PTPRD: variants seen among roughly 807,000 people sequenced by gnomAD.
The protein encoded by PTPRD is receptor-type tyrosine-protein phosphatase delta.
In PTPRD, 34 loss-of-function variants were observed where a neutral mutation model predicts 214.5. The observed-to-expected ratio is 0.16, with a 90% CI of 0.12 to 0.21. The LOEUF (loss-of-function observed/expected upper bound fraction) is 0.21, where lower values mean the gene tolerates loss of function less well. Among genes scored for constraint, PTPRD ranks in the 10% least tolerant of loss-of-function variants. PTPRD has a pLI of 1.00. For synonymous variants in PTPRD, 1,128 were observed against 845.7 expected, an observed-to-expected ratio of 1.33 and a Z score of -5.79; for missense variants, 2,545 against 2,398.7, an observed-to-expected ratio of 1.06 and a Z score of -1.27.
chr9:8,704,788 G>T (rs927214072), intron 12 of PTPRD, among the ~76,000 whole-genome samples: 1 of 151,724 alleles, frequency 6.6e-6, no homozygotes, highest in East Asian at 1.9e-4. Context: ...GGGTGTGGTG[G>T]TGTGTGCACC....
intron 10 of PTPRD, among the ~76,000 whole-genome samples, chr9:9,166,065 T>A (rs1472630318): frequency 6.6e-6 from 1 of 152,052 alleles, no homozygotes; most frequent in African/African-American, 2.4e-5. Context: ...GTGGTGACTT[T>A]AACTCACAAA....
intron 9 of PTPRD, among the ~76,000 whole-genome samples, chr9:9,270,027 A>G (rs1003110709): frequency 6.0e-5 from 9 of 150,642 alleles, no homozygotes; most frequent in Non-Finnish European, 1.0e-4. Flanking sequence ...TTACTATAAC[A>G]TGTTAATAAT....
intron 21 of PTPRD, among the ~76,000 whole-genome samples, chr9:8,511,801 A>G (rs1011166882): frequency 1.3e-5 from 2 of 152,196 alleles, no homozygotes; most frequent in Non-Finnish European, 2.9e-5. Context: ...ACAAGGAAAT[A>G]GAAATGTGAG....
At chr9:10,421,827 T>A (rs964328295) in intron 2 of PTPRD, among the ~76,000 whole-genome samples, 2 of 151,650 alleles carry the variant, frequency 1.3e-5, no homozygotes, top group East Asian at 1.9e-4. Context: ...TCTATTTTTA[T>A]ATTTTTTTCT....
intron 5 of PTPRD, among the ~76,000 whole-genome samples, chr9:9,929,004 C>A (rs2085374250): frequency 6.6e-6 from 1 of 152,094 alleles, no homozygotes; most frequent in Non-Finnish European, 1.5e-5. Flanking sequence ...ATTTAAGTCT[C>A]AGAGGTTCGA....
At chr9:10,309,289 AT>A in intron 3 of PTPRD, among the ~76,000 whole-genome samples, 1 of 151,904 alleles carries the variant, frequency 6.6e-6, no homozygotes, top group African/African-American at 2.4e-5. Context: ...TGGCTTATTA[AT>A]TTCATAAATA....
intron 2 of PTPRD, among the ~76,000 whole-genome samples, chr9:10,592,716 G>T (rs2075756874): frequency 6.6e-6 from 1 of 151,986 alleles, no homozygotes; most frequent in African/African-American, 2.4e-5. Flanking sequence ...GCACCAATCA[G>T]CGCTTTGTAG....
At chr9:9,305,125 C>G (rs1414357715) in intron 9 of PTPRD, among the ~76,000 whole-genome samples, 1 of 151,580 alleles carries the variant, frequency 6.6e-6, no homozygotes, top group African/African-American at 2.4e-5. Context: ...TTTACCTCCT[C>G]TTTCTGCACA....
chr9:10,204,071 G>T, intron 3 of PTPRD, among the ~76,000 whole-genome samples: 1 of 152,068 alleles, frequency 6.6e-6, no homozygotes, highest in Non-Finnish European at 1.5e-5. Flanking sequence ...CTACCAGCTT[G>T]TGCCATTGCT....
intron 11 of PTPRD, among the ~76,000 whole-genome samples, chr9:8,854,950 T>A (rs2097887539): frequency 6.6e-6 from 1 of 152,204 alleles, no homozygotes; most frequent in Admixed American, 6.5e-5. Flanking sequence ...ACATATGAAT[T>A]TGCACCAATA....
intron 14 of PTPRD, among the ~76,000 whole-genome samples, chr9:8,585,907 T>C (rs2093616807): frequency 1.3e-5 from 2 of 152,322 alleles, no homozygotes; most frequent in South Asian, 4.1e-4. Flanking sequence ...ACTTGTCCTC[T>C]CTCTGCCATG....
intron 3 of PTPRD, among the ~76,000 whole-genome samples, chr9:10,169,557 T>C (rs1016023420): frequency 1.4e-5 from 2 of 144,508 alleles, no homozygotes; most frequent in Non-Finnish European, 1.5e-5. Context: ...CTTCCACAAA[T>C]AACAATTCTA....
chr9:9,057,367 A>T (rs1475250947), intron 10 of PTPRD, among the ~76,000 whole-genome samples: 23 of 152,164 alleles, frequency 1.5e-4, no homozygotes, highest in Admixed American at 1.5e-3. Context: ...CAATGCCCTC[A>T]AGCCCCACCC....
At chr9:9,541,267 C>T (rs1318895801) in intron 8 of PTPRD, among the ~76,000 whole-genome samples, 1 of 151,634 alleles carries the variant, frequency 6.6e-6, no homozygotes, top group African/African-American at 2.4e-5. Context: ...TGGAACACTC[C>T]CTACAGGACT....
chr9:9,679,887 G>C (rs2097028096), intron 7 of PTPRD, among the ~76,000 whole-genome samples: 1 of 151,740 alleles, frequency 6.6e-6, no homozygotes, highest in Non-Finnish European at 1.5e-5. Flanking sequence ...ATAAATAACA[G>C]CACATTGGAG....
rs565091184 is a variant in PTPRD, at chr9:10,440,086, C to T, written c.-599-99069G>A. On this transcript the variant is annotated intron_variant, in intron 2 of 45. Coordinates refer to ENST00000381196, the MANE Select transcript of PTPRD (RefSeq NM_002839.4). ...TACTAAGTTAAATATCCTAATTAAG[C>T]TTTTACATAAATGGTTAAAAAATCG... Among the ~76,000 whole-genome samples, 4 of 151,336 alleles carry T rather than the reference C, an allele frequency of 2.6e-5. No homozygotes were observed. In the South Asian group the frequency reaches 8.3e-4, roughly 32 times the overall value.
intron 8 of PTPRD, among the ~76,000 whole-genome samples, chr9:9,480,820 A>T (rs796497210): frequency 3.9e-5 from 6 of 152,286 alleles, no homozygotes; most frequent in African/African-American, 1.4e-4. Flanking sequence ...ATGCTAAAAC[A>T]TGTGGTACGT....
At chr9:10,427,792 G>C (rs2098637348) in intron 2 of PTPRD, among the ~76,000 whole-genome samples, 2 of 151,988 alleles carry the variant, frequency 1.3e-5, no homozygotes, top group African/African-American at 2.4e-5. Flanking sequence ...AAAATATTTT[G>C]CATGAGTGAT....
intron 2 of PTPRD, among the ~76,000 whole-genome samples, chr9:10,476,032 A>ACAAGCCC (rs1421213057): frequency 2.6e-5 from 4 of 152,160 alleles, no homozygotes; most frequent in Non-Finnish European, 4.4e-5. Context: ...TATCATACTG[A>ACAAGCCC]ATGGGGAAAA....
Sources: gnomAD v4.1 joint callset for allele counts (sites outside exome capture counted in the v4.1 genomes callset) on GRCh38, gnomAD v4.1.1 for gene constraint, MANE v1.5 for transcripts, NCBI Gene and HGNC (gene_info 2026-07-23, HGNC 2026-07-21) for gene names.